The following DNAAF11 variants were observed in gnomAD, a reference collection of about 807,000 sequenced individuals.
The protein encoded by DNAAF11 is leucine rich repeat containing 6.
DNAAF11 carries 45 observed loss-of-function variants against 60.8 expected under a neutral mutation model. The ratio of observed to expected loss-of-function variants is 0.74; its 90% CI spans 0.58 to 0.95. DNAAF11 has a LOEUF of 0.95. Among genes scored for constraint, DNAAF11 ranks in the 40% least tolerant of loss-of-function variants. The probability of loss-of-function intolerance (pLI) is 0.00; values close to 1 mark genes in which losing one functional copy is unlikely to be tolerated. For missense variants in DNAAF11, 546 were observed against 546.2 expected, an observed-to-expected ratio of 1.00 and a Z score of 0.00; for synonymous variants, 191 against 183.5, an observed-to-expected ratio of 1.04 and a Z score of -0.33.
In DNAAF11 at chr8:132,615,067, C is replaced by T; in HGVS notation, c.945G>A (p.Lys315=). ...KIDFSLKDNE[K]QIILDLAVYR... is the part of the protein sequence containing the mutation. Reference sequence around the variant, plus strand: ...AGACAGCAAGGTCCAGGATGATCTGCTTTTCGTTATCTTTCAAAGAGAAGT... The same window carrying T: ...AGACAGCAAGGTCCAGGATGATCTGTTTTTCGTTATCTTTCAAAGAGAAGT... Residue 315 remains lysine, a synonymous_variant, in exon 8 of 12, where the codon AAG becomes AAA. Transcript: ENST00000620350. 6.2e-7 allele frequency: 1 copy of T among 1,608,328 alleles called. No homozygotes were observed. Among genetic ancestry groups the T allele is most frequent in the Non-Finnish European group, 8.5e-7 (1 of 1,175,378 alleles).
At chr8:132,593,200 T>C (rs147634592) in intron 10 of DNAAF11, among the ~76,000 whole-genome samples, 6 of 151,582 alleles carry the variant, frequency 4.0e-5, no homozygotes, top group Middle Eastern at 3.4e-3. Context: ...CAACAGTATC[T>C]CATACGATGG....
chr8:132,691,452 T>C, the DNAAF11 span, among the ~76,000 whole-genome samples: 4 of 152,268 alleles, frequency 2.6e-5, no homozygotes, highest in Middle Eastern at 3.4e-3. Context: ...TCTCCAAGGA[T>C]CCTTGGTTTC....
chr8:132,641,091 TC>T (rs1821806445), intron 3 of DNAAF11, among the ~76,000 whole-genome samples: 1 of 152,096 alleles, frequency 6.6e-6, no homozygotes, highest in Non-Finnish European at 1.5e-5. Flanking sequence ...TAGAATGTCA[TC>T]TAATAAATAT....
chr8:132,594,868 G>A (rs1383013416), intron 10 of DNAAF11, among the ~76,000 whole-genome samples: 3 of 151,920 alleles, frequency 2.0e-5, no homozygotes, highest in African/African-American at 4.8e-5. Context: ...GTGTGAGAAC[G>A]GACTAACAAA....
At chr8:132,677,365 T>G (rs1825798828), upstream of DNAAF11, among the ~76,000 whole-genome samples, 1 of 152,006 alleles carries the variant, frequency 6.6e-6, no homozygotes, top group African/African-American at 2.4e-5. Flanking sequence ...CAGCTTGCAG[T>G]GAACTAGGAT....
At chr8:132,700,988 G>A in the DNAAF11 span, among the ~76,000 whole-genome samples, 10 of 152,210 alleles carry the variant, frequency 6.6e-5, no homozygotes, top group African/African-American at 2.2e-4. Context: ...AAGATCGAGG[G>A]GTTGGTATCT....
chr8:132,655,083 T>C lies in DNAAF11; in HGVS notation c.256+1747A>G, dbSNP rs541459097. Among the ~76,000 whole-genome samples the C allele has an allele frequency of 9.2e-5, 14 of 151,834 alleles. No individual in the cohort carries two copies. The East Asian group carries it at 9.7e-4, about 11-fold the overall frequency. On this transcript the variant is annotated intron_variant, in intron 3 of 11. Coordinates refer to ENST00000620350, the MANE Select transcript of DNAAF11 (RefSeq NM_012472.6). ...AGGAATGAAAGATGAGACTTTACTATTGACATTAAAAAAAATGAAAAATAT... is the reference window on the plus strand; with the variant it reads ...AGGAATGAAAGATGAGACTTTACTACTGACATTAAAAAAAATGAAAAATAT...
intron 10 of DNAAF11, among the ~76,000 whole-genome samples, chr8:132,593,332 CAT>C (rs60462067): frequency 0.022 from 2,408 of 108,660 alleles, 61 homozygotes; most frequent in East Asian, 0.061. Context: ...TATATACATA[CAT>C]ATATATATAT....
chr8:132,631,882 G>A (rs1461657621), intron 5 of DNAAF11, among the ~76,000 whole-genome samples: 1 of 152,108 alleles, frequency 6.6e-6, no homozygotes, highest in Non-Finnish European at 1.5e-5. Flanking sequence ...GGGGGAGTGG[G>A]GAGGGATAGC....
intron 3 of DNAAF11, among the ~76,000 whole-genome samples, chr8:132,645,768 G>A (rs956127866): frequency 2.6e-5 from 4 of 152,024 alleles, no homozygotes; most frequent in Non-Finnish European, 5.9e-5. Flanking sequence ...GAAATGAAGC[G>A]AGAAGAGAAG....
chr8:132,595,540 T>C (rs1816921285), intron 10 of DNAAF11, among the ~76,000 whole-genome samples: 1 of 151,950 alleles, frequency 6.6e-6, no homozygotes, highest in Non-Finnish European at 1.5e-5. Flanking sequence ...AAAGCTATTA[T>C]TTGCAAGATG....
chr8:132,602,495 A>G (rs1317135795), intron 10 of DNAAF11, among the ~76,000 whole-genome samples: 1 of 152,076 alleles, frequency 6.6e-6, no homozygotes, highest in Non-Finnish European at 1.5e-5. Context: ...CTTCCCAAAT[A>G]AACTACTCTA....
chr8:132,669,346 A>C (rs919208097), intron 1 of DNAAF11, among the ~76,000 whole-genome samples: 19 of 152,222 alleles, frequency 1.2e-4, no homozygotes, highest in Non-Finnish European at 2.4e-4. Flanking sequence ...CCTGGTAGGC[A>C]GAACATAGAT....
chr8:132,631,609 A>G (rs187312263), intron 5 of DNAAF11, among the ~76,000 whole-genome samples: 2 of 152,330 alleles, frequency 1.3e-5, no homozygotes, highest in East Asian at 3.9e-4. Flanking sequence ...GGATCAACAT[A>G]TATCAAACAC....
At chr8:132,579,414 C>A (rs1815090169) in intron 11 of DNAAF11, among the ~76,000 whole-genome samples, 1 of 152,062 alleles carries the variant, frequency 6.6e-6, no homozygotes, top group Non-Finnish European at 1.5e-5. Flanking sequence ...TTGCACATGC[C>A]CCACTTGTAC....
At chr8:132,696,281 A>T in the DNAAF11 span, among the ~76,000 whole-genome samples, 19 of 152,354 alleles carry the variant, frequency 1.2e-4, 1 homozygote, top group South Asian at 3.7e-3. Flanking sequence ...AGAATAGAAA[A>T]GATAGATATT....
At chr8:132,613,514 C>G (rs1195028752) in intron 8 of DNAAF11, among the ~76,000 whole-genome samples, 1 of 152,072 alleles carries the variant, frequency 6.6e-6, no homozygotes, top group African/African-American at 2.4e-5. Flanking sequence ...TTAGTGGTTG[C>G]CATGAAGACA....
intron 6 of DNAAF11, 136 bp downstream of exon 6, chr8:132,625,136 G>C (rs1169719095): frequency 1.6e-5 from 9 of 547,534 alleles, no homozygotes; most frequent in Non-Finnish European, 3.1e-6. Flanking sequence ...TCAACAAAAA[G>C]CTATACTTAG....
chr8:132,583,812 G>A (rs377722308), intron 10 of DNAAF11, 33 bp from the exon 11 acceptor site: 127 of 1,378,862 alleles, frequency 9.2e-5, no homozygotes, highest in Non-Finnish European at 7.2e-6. Flanking sequence ...ACCAAGTGGT[G>A]CATTACTCCT....
Sources: allele counts gnomAD v4.1 joint callset (sites outside exome capture counted in the v4.1 genomes callset), GRCh38; gene constraint gnomAD v4.1.1; transcripts MANE v1.5; gene names NCBI Gene and HGNC (gene_info 2026-07-23, HGNC 2026-07-21).